The following PDIA4 variants were observed in gnomAD, a reference collection of about 807,000 sequenced individuals.
PDIA4 encodes the protein protein disulfide isomerase family A member 4, also known as protein disulfide-isomerase A4.
In PDIA4, 33 loss-of-function variants were observed where a neutral mutation model predicts 62.1. The observed-to-expected ratio is 0.53, with a 90% CI of 0.40 to 0.71. The LOEUF (loss-of-function observed/expected upper bound fraction) is 0.71. Ranked by LOEUF, PDIA4 falls within the 30% of genes least tolerant of loss-of-function variation. PDIA4 has a pLI of 0.00. For synonymous variants in PDIA4, 341 were observed against 324.1 expected (o/e 1.05, Z -0.56); for missense variants, 804 against 813.6 (o/e 0.99, Z 0.14).
intron 2 of PDIA4, among the ~76,000 whole-genome samples, 153 bp downstream of exon 2, chr7:149,020,814 C>T (rs968780256): frequency 1.3e-5 from 2 of 152,164 alleles, no homozygotes; most frequent in Non-Finnish European, 2.9e-5. Context: ...AGTGGTAGAA[C>T]GAGTGAGCTC....
At chr7:149,020,934 G>T in intron 2 of PDIA4, 33 bp downstream of exon 2, 1 of 1,608,650 alleles carries the variant, frequency 6.2e-7, no homozygotes, top group Non-Finnish European at 8.5e-7. Context: ...CACAGCGCTT[G>T]TCCACCTGCA....
intron 2 of PDIA4, 36 bp from the exon 3 acceptor site, chr7:149,019,233 C>T: frequency 7.1e-7 from 1 of 1,404,688 alleles, no homozygotes; most frequent in East Asian, 2.3e-5. Context: ...AAAACGTTAA[C>T]TGTACCTATG....
At chr7:149,023,290 C>T (rs1223082507) in intron 1 of PDIA4, among the ~76,000 whole-genome samples, 2 of 152,108 alleles carry the variant, frequency 1.3e-5, no homozygotes, top group Admixed American at 6.5e-5. Flanking sequence ...ATTCTAGACC[C>T]CCAAGAGGGA....
At chr7:149,022,564 T>C (rs1551927) in intron 1 of PDIA4, among the ~76,000 whole-genome samples, 106,270 of 152,024 alleles carry the variant, frequency 0.7, 40,677 homozygotes, top group Non-Finnish European at 0.84. Flanking sequence ...ATTATTCTTT[T>C]CTGGAGATGT....
Position 149,012,337 on chromosome 7 carries a change from G to T in PDIA4, c.638C>A (p.Ala213Asp), listed in dbSNP as rs1377788308. The change falls in exon 5 of 10, where the codon GCC becomes GAC. Residue 213 changes from alanine (A) to aspartate (D), a missense_variant. Ala to Asp is a moderately radical substitution (Grantham distance 126, BLOSUM62 -2). Transcript: ENST00000652332. The stretch of plus-strand genomic sequence containing the variant: ...CTTGGCGGCCTTCTCATACTCGGGG[G>T]CAAGTTTCTTGCAGTGTCCACACCT... ...APWCGHCKKL[A>D]PEYEKAAKEL... The T allele has an allele frequency of 6.2e-7, 1 of 1,613,464 alleles. No homozygotes were observed. The highest frequency in any genetic ancestry group is 1.1e-5 in the South Asian group (1 of 91,048).
rs562440763 is a variant in PDIA4 at position 149,006,037 on chromosome 7, G to A, written c.1148C>T (p.Ser383Leu). Residue 383 changes from serine to leucine, a missense_variant, in exon 8 of 10, where the codon TCG becomes TTG. Ser to Leu is a moderately radical substitution (Grantham distance 145, BLOSUM62 -2). Transcript: ENST00000652332. ...MMDVQGSTQD[S>L]AIKDFVLKYA... ...CTTCAGCACGAAGTCCTTGATGGCC[G>A]AGTCCTGGGTGGAGCCCTGCTTCAA... The A allele has an allele frequency of 4.2e-5, 65 of 1,565,312 alleles. 1 individual carries two copies. The South Asian group carries it at 5.6e-4, about 13-fold the overall frequency.
At chr7:149,018,791 C>T (rs1183183150) in intron 3 of PDIA4, among the ~76,000 whole-genome samples, 4 of 148,702 alleles carry the variant, frequency 2.7e-5, no homozygotes, top group Non-Finnish European at 6.0e-5. Flanking sequence ...AAAGATGCCA[C>T]GCCCCAACCC....
intron 5 of PDIA4, 29 bp from the exon 6 acceptor site, chr7:149,012,033 G>A (rs1207412687): frequency 1.9e-6 from 3 of 1,595,772 alleles, no homozygotes; most frequent in South Asian, 1.1e-5. Flanking sequence ...CCTGAGCAGG[G>A]GCACTAAGAA....
intron 6 of PDIA4, among the ~76,000 whole-genome samples, chr7:149,010,055 T>C (rs963763960): frequency 6.8e-4 from 104 of 152,172 alleles, no homozygotes; most frequent in African/African-American, 2.4e-3. Flanking sequence ...GGGGGCAGCC[T>C]GGATAAGCCT....
chr7:149,014,999 C>T lies in PDIA4; in HGVS notation c.519G>A (p.Thr173=), dbSNP rs1411897540. The change falls in exon 4 of 10, where the codon ACG becomes ACA. Residue 173 remains threonine, a synonymous_variant. Coordinates refer to ENST00000652332, the MANE Select transcript of PDIA4 (RefSeq NM_004911.5). ...ACACAAGCGTGACTTCTGGTGGAGG[C>T]GTCCAGTCGGGCTGGGAGACTTCTC... ...KVREVSQPDW[T]PPPEVTLVLT... is the part of the protein sequence containing the mutation. 9.3e-6 allele frequency: 15 copies of T among 1,614,116 alleles called. No individual in the cohort carries two copies. The highest frequency in any genetic ancestry group is 3.3e-5 in the Admixed American group (2 of 60,020).
chr7:149,005,214 C>G lies in PDIA4; in HGVS notation c.1449G>C (p.Gly483=). 1 of 1,614,166 alleles carries G rather than the reference C, an allele frequency of 6.2e-7. No homozygotes were observed. Among genetic ancestry groups the G allele is most frequent in the East Asian group, 2.2e-5 (1 of 44,880 alleles). Residue 483 remains glycine, a synonymous_variant, in exon 9 of 10, where the codon GGG becomes GGC. Coordinates refer to ENST00000652332, the MANE Select transcript of PDIA4 (RefSeq NM_004911.5). ...CCTCTGGCTCCATGGCGAACTTCTT[C>G]CCACTCTCGTCCAGGATGGCGGCAT... ...DVNAAILDES[G]KKFAMEPEEF...
rs1823612174 is a variant in PDIA4, at chr7:149,003,446, T to A, written c.*348A>T. On this transcript the variant is annotated 3_prime_UTR_variant, in exon 10 of 10. Coordinates refer to ENST00000652332, the MANE Select transcript of PDIA4 (RefSeq NM_004911.5). ...AAGCAAAGAGCAAAATCAACATGAT[T>A]TGGAAAAGGAATTTTAAACCTTAAA... 1 of 181,640 alleles carries A rather than the reference T, an allele frequency of 5.5e-6. No homozygotes were observed. The highest frequency in any genetic ancestry group is 2.3e-5 in the African/African-American group (1 of 42,720). 11.3% of individuals were successfully genotyped at this position (181,640 alleles called of 1,614,324 possible).
chr7:149,013,898 G>A (rs543295853), intron 4 of PDIA4, among the ~76,000 whole-genome samples: 14 of 152,250 alleles, frequency 9.2e-5, no homozygotes, highest in African/African-American at 3.4e-4. Context: ...CCAGTTAGAT[G>A]TGCAGCTGCC....
chr7:149,020,437 G>A (rs1824303068), intron 2 of PDIA4, among the ~76,000 whole-genome samples: 1 of 152,178 alleles, frequency 6.6e-6, no homozygotes, highest in Non-Finnish European at 1.5e-5. Flanking sequence ...GGACACAAGA[G>A]CTCTAACGGT....
chr7:149,025,622 C>A (rs1585434002), intron 1 of PDIA4, among the ~76,000 whole-genome samples: 1 of 152,254 alleles, frequency 6.6e-6, no homozygotes, highest in Middle Eastern at 3.4e-3. Flanking sequence ...AGTCACCTGT[C>A]CAAAGATCAC....
At chr7:149,023,901 A>T (rs1482122707) in intron 1 of PDIA4, among the ~76,000 whole-genome samples, 1 of 152,180 alleles carries the variant, frequency 6.6e-6, no homozygotes, top group Non-Finnish European at 1.5e-5. Context: ...CTGACTAGTC[A>T]CCATGGGACA....
intron 1 of PDIA4, 25 bp downstream of exon 1, chr7:149,028,296 G>T: frequency 2.0e-6 from 3 of 1,499,556 alleles, no homozygotes; most frequent in South Asian, 2.4e-5. Context: ...AGCACAGCCC[G>T]ACCCGCGGCG....
intron 1 of PDIA4, among the ~76,000 whole-genome samples, chr7:149,026,509 G>A (rs1466601278): frequency 6.6e-6 from 1 of 152,084 alleles, no homozygotes; most frequent in Non-Finnish European, 1.5e-5. Context: ...AAATTAGCTG[G>A]GTGTGGTGGC....
In PDIA4 at chr7:149,012,173, C is replaced by A. The variant is rs1473457228; in HGVS notation, c.802G>T (p.Gly268Cys). The A allele has an allele frequency of 6.2e-7, 1 of 1,614,036 alleles. No homozygotes were observed. The highest frequency in any genetic ancestry group is 1.7e-5 in the Admixed American group (1 of 60,020). The change falls in exon 5 of 10, where the codon GGC becomes TGC. Residue 268 changes from glycine to cysteine, a missense_variant. Transcript: ENST00000652332. The part of the protein sequence containing the change: ...FRKGRPYDYN[G>C]PREKYGIVDY... ...GCCATACCATATTTTTCTCGTGGGC[C>A]GTTGTAGTCATAAGGCCTTCCTTTG...
Sources: gnomAD v4.1 joint callset for allele counts (sites outside exome capture counted in the v4.1 genomes callset) on GRCh38, gnomAD v4.1.1 for gene constraint, MANE v1.5 for transcripts, NCBI Gene and HGNC (gene_info 2026-07-23, HGNC 2026-07-21) for gene names.